ZNF416: variants seen among roughly 807,000 people sequenced by gnomAD.
ZNF416 encodes the protein zinc finger protein 416.
Under a neutral mutation model 10.9 loss-of-function variants are expected in ZNF416, and 5 were observed. The observed-to-expected ratio is 0.46, with a 90% confidence interval of 0.24 to 0.97. ZNF416 has a LOEUF of 0.97. Among genes scored for constraint, ZNF416 ranks in the 50% least tolerant of loss-of-function variants. The pLI is 0.19. For missense variants in ZNF416, 675 were observed against 715.0 expected (o/e 0.94, Z 0.64); for synonymous variants, 267 against 251.8 (o/e 1.06, Z -0.57).
rs543988760 is a variant in ZNF416, at chr19:57,578,852, G to A, written c.-148C>T. The A allele has an allele frequency of 1.6e-5, 12 of 757,128 alleles. No homozygotes were observed. The African/African-American group carries it at 1.8e-4, about 12-fold the overall frequency. 46.9% of individuals were successfully genotyped at this position (757,128 alleles called of 1,614,324 possible). On this transcript the variant is annotated 5_prime_UTR_variant, in exon 1 of 4. Transcript: ENST00000196489. ...CGGAGGCAGCGTTTCTAACTCAGGC[G>A]GCGTGGGCCGAGGTAGAGAACCACC...
At position 57,573,088 on chromosome 19, in the gene ZNF416, G is replaced by A. The variant is rs1331841285; in HGVS notation, c.816C>T (p.Cys272=). 1 of 1,613,948 alleles carries A rather than the reference G, an allele frequency of 6.2e-7. No homozygotes were observed. Among genetic ancestry groups the A allele is most frequent in the Non-Finnish European group, 8.5e-7 (1 of 1,179,970 alleles). ...RVHPGERPYE[C]SECGKSFSQT... The stretch of plus-strand genomic sequence containing the variant: ...GGCTAAAAGATTTCCCACATTCACT[G>A]CACTCATAAGGCCTTTCTCCAGGGT... The change falls in exon 4 of 4, where the codon TGC becomes TGT. Residue 272 remains cysteine, a synonymous_variant. Transcript: ENST00000196489.
In ZNF416 at chr19:57,575,502, G is replaced by A. The variant is rs1016240891; in HGVS notation, c.202+302C>T. ...TAGTCAAAGGAAATGTCATCTAGGA[G>A]GCAGAATTTGAGACACAAAGTACCA... On this transcript the variant is annotated intron_variant, in intron 3 of 3. Coordinates refer to ENST00000196489, the MANE Select transcript of ZNF416 (RefSeq NM_017879.3). The surrounding 1 kb of genome is among the most constrained non-coding windows in gnomAD (Gnocchi z 4.4). Among the ~76,000 whole-genome samples, 29 of 152,152 alleles carry A rather than the reference G, an allele frequency of 1.9e-4. No homozygotes were observed. Among genetic ancestry groups the A allele is most frequent in the Middle Eastern group, 3.2e-3 (1 of 316 alleles).
Position 57,571,759 on chromosome 19 carries a change from G to A in ZNF416, c.*360C>T, listed in dbSNP as rs573831569. On this transcript the variant is annotated 3_prime_UTR_variant, in exon 4 of 4. Coordinates refer to ENST00000196489, the MANE Select transcript of ZNF416 (RefSeq NM_017879.3). ...CCCTTCTGGCCAAAACTGGTCAGATGTATGCTGTAATCAGTCAGAAAAGGG... is the reference window on the plus strand; with the variant it reads ...CCCTTCTGGCCAAAACTGGTCAGATATATGCTGTAATCAGTCAGAAAAGGG... The A allele has an allele frequency of 3.0e-4, 59 of 197,386 alleles. No homozygotes were observed. The South Asian group carries it at 7.0e-3, about 23-fold the overall frequency. 12.2% of individuals were successfully genotyped at this position (197,386 alleles called of 1,614,324 possible).
chr19:57,578,015 T>C (rs1599910811), intron 2 of ZNF416, 42 bp downstream of exon 2: 1 of 1,610,248 alleles, frequency 6.2e-7, no homozygotes, highest in South Asian at 1.1e-5. Context: ...AGACAAACAC[T>C]GGGGTCAGCA....
chr19:57,572,109 G>C lies in ZNF416; in HGVS notation c.*10C>G. On this transcript the variant is annotated 3_prime_UTR_variant, in exon 4 of 4. Transcript: ENST00000196489. This position sits in a 1 kb window ranked among gnomAD's most constrained non-coding sequence, Gnocchi z 4.5. ...GTCTAAGGCTTTTCTCAGGTTTGGA[G>C]TTTCAAGAGTTAAACAATGTTAGAT... 6.2e-7 allele frequency: 1 copy of C among 1,603,354 alleles called. No individual in the cohort carries two copies.
At chr19:57,577,086 C>T (rs1978562421) in intron 2 of ZNF416, among the ~76,000 whole-genome samples, 3 of 152,100 alleles carry the variant, frequency 2.0e-5, no homozygotes, top group Admixed American at 1.3e-4. Flanking sequence ...CACGATTCCA[C>T]CTCCTAATTG....
chr19:57,572,796 C>T lies in ZNF416; in HGVS notation c.1108G>A (p.Val370Ile), dbSNP rs376594511. 2 of 1,614,098 alleles carry T rather than the reference C, an allele frequency of 1.2e-6. No individual in the cohort carries two copies. The highest frequency in any genetic ancestry group is 1.6e-4 in the Middle Eastern group (1 of 6,062). Residue 370 changes from valine to isoleucine, a missense_variant, in exon 4 of 4, where the codon GTT becomes ATT. Val to Ile is a conservative substitution (Grantham distance 29, BLOSUM62 3). Transcript: ENST00000196489. This position sits in a 1 kb window ranked among gnomAD's most constrained non-coding sequence, Gnocchi z 4.5. ...GKAFGSKSTL[V>I]RHQRTHTGEK... Reference sequence around the variant, plus strand: ...CCTGTGTGAGTTCTCTGGTGTCGAACAAGAGTGGATTTGGACCCAAAGGCT... The same window carrying T: ...CCTGTGTGAGTTCTCTGGTGTCGAATAAGAGTGGATTTGGACCCAAAGGCT...
Position 57,572,477 on chromosome 19 carries a change from A to G in ZNF416, c.1427T>C (p.Met476Thr), listed in dbSNP as rs2090199221. Reference sequence around the variant, plus strand: ...GTGCCTAACAAGTTTAGATTTGAACATAAAAGCTTTCCCACATTCCCCACA... The same window carrying G: ...GTGCCTAACAAGTTTAGATTTGAACGTAAAAGCTTTCCCACATTCCCCACA... ...YVCGECGKAFMFKSKLVRHQR... is the reference protein window; with the variant it reads ...YVCGECGKAFTFKSKLVRHQR... The change falls in exon 4 of 4, where the codon ATG (methionine) becomes ACG (threonine). Residue 476 changes from methionine (M) to threonine (T), a missense_variant. Physicochemically the swap from Met to Thr is moderately conservative, Grantham distance 81. Coordinates refer to ENST00000196489, the MANE Select transcript of ZNF416 (RefSeq NM_017879.3). The surrounding 1 kb of genome is among the most constrained non-coding windows in gnomAD (Gnocchi z 4.5). 1 of 1,613,422 alleles carries G rather than the reference A, an allele frequency of 6.2e-7. No homozygotes were observed. Among genetic ancestry groups the G allele is most frequent in the East Asian group, 2.2e-5 (1 of 44,784 alleles).
intron 2 of ZNF416, among the ~76,000 whole-genome samples, chr19:57,576,877 A>G (rs117681703): frequency 0.02 from 3,005 of 152,154 alleles, 53 homozygotes; most frequent in Non-Finnish European, 0.031. Context: ...ACTTCCAAGC[A>G]TTGATCTCAT....
Position 57,572,662 on chromosome 19 carries a change from C to T in ZNF416, c.1242G>A (p.Gln414=). The T allele has an allele frequency of 1.2e-6, 2 of 1,614,126 alleles. No individual in the cohort carries two copies. Among genetic ancestry groups the T allele is most frequent in the Non-Finnish European group, 8.5e-7 (1 of 1,180,014 alleles). The change falls in exon 4 of 4, where the codon CAG becomes CAA. Residue 414 remains glutamine, a synonymous_variant. Transcript: ENST00000196489. The surrounding 1 kb of genome is among the most constrained non-coding windows in gnomAD (Gnocchi z 4.5). The stretch of plus-strand genomic sequence containing the variant: ...ACTTTAGGCTAAATGATTTCCCACA[C>T]TGGCCACACTCATAAGGCCTTGCTG... ...HTTARPYECG[Q]CGKSFSLKCG...
At chr19:57,576,814 C>T (rs184592896) in intron 2 of ZNF416, among the ~76,000 whole-genome samples, 5 of 152,212 alleles carry the variant, frequency 3.3e-5, no homozygotes, top group Non-Finnish European at 5.9e-5. Context: ...GTAGATATAT[C>T]CAGAGTGCTG....
chr19:57,575,946 T>A lies in ZNF416; in HGVS notation c.76-16A>T. 1.2e-6 allele frequency: 2 copies of A among 1,612,030 alleles called. No homozygotes were observed. Among genetic ancestry groups the A allele is most frequent in the Non-Finnish European group, 1.7e-6 (2 of 1,178,868 alleles). On this transcript the variant is annotated splice_polypyrimidine_tract_variant and intron_variant, in intron 2 of 3. Coordinates refer to ENST00000196489, the MANE Select transcript of ZNF416 (RefSeq NM_017879.3). The surrounding 1 kb of genome is among the most constrained non-coding windows in gnomAD (Gnocchi z 4.4). ...TCACACAGCCCTGCCATGATGGGGA[T>A]AGATCTTTCCATGATCAGATTCTCT...
At position 57,573,465 on chromosome 19, in the gene ZNF416, T is replaced by C; in HGVS notation, c.439A>G (p.Lys147Glu). The change falls in exon 4 of 4, where the codon AAA (lysine) becomes GAA (glutamate). Residue 147 changes from lysine to glutamate, a missense_variant. Transcript: ENST00000196489. Reference sequence around the variant, plus strand: ...TTGTCCATGTCACTTTCCAAGGGTTTCTCTGCACTATGATGCTTCTGGTCC... The same window carrying C: ...TTGTCCATGTCACTTTCCAAGGGTTCCTCTGCACTATGATGCTTCTGGTCC... ...HQDQKHHSAEKPLESDMDKAS... is the reference protein window; with the variant it reads ...HQDQKHHSAEEPLESDMDKAS... The C allele has an allele frequency of 6.2e-7, 1 of 1,614,228 alleles. No individual in the cohort carries two copies. The highest frequency in any genetic ancestry group is 8.5e-7 in the Non-Finnish European group (1 of 1,180,034).
chr19:57,577,309 A>T (rs1225926575), intron 2 of ZNF416, among the ~76,000 whole-genome samples: 1 of 152,202 alleles, frequency 6.6e-6, no homozygotes, highest in East Asian at 1.9e-4. Context: ...AAGATGGTCC[A>T]TATCAAAATT....
At position 57,572,083 on chromosome 19, in the gene ZNF416, G is replaced by A; in HGVS notation, c.*36C>T. 2 of 1,589,798 alleles carry A rather than the reference G, an allele frequency of 1.3e-6. No individual in the cohort carries two copies. The highest frequency in any genetic ancestry group is 1.7e-6 in the Non-Finnish European group (2 of 1,165,346). ...AGAAAGACATGGCACATTCCCTGCA[G>A]GTCTAAGGCTTTTCTCAGGTTTGGA... On this transcript the variant is annotated 3_prime_UTR_variant, in exon 4 of 4. Coordinates refer to ENST00000196489, the MANE Select transcript of ZNF416 (RefSeq NM_017879.3). This position sits in a 1 kb window ranked among gnomAD's most constrained non-coding sequence, Gnocchi z 4.5.
chr19:57,578,544 C>T (rs1489965329), intron 1 of ZNF416, 128 bp downstream of exon 1: 1 of 1,083,930 alleles, frequency 9.2e-7, no homozygotes, highest in East Asian at 3.0e-5. Flanking sequence ...ATGGGAGCCC[C>T]ACCCGCGAGG....
Position 57,573,568 on chromosome 19 carries a change from G to A in ZNF416, c.336C>T (p.Phe112=), listed in dbSNP as rs751636394. 1.4e-5 allele frequency: 22 copies of A among 1,614,074 alleles called. No individual in the cohort carries two copies. Among genetic ancestry groups the A allele is most frequent in the Non-Finnish European group, 1.7e-5 (20 of 1,180,032 alleles). ...CGGTCAGGTGCAAAATGTCGGTCAGGAATGGGACACACATGTCACAGGATT... is the reference window on the plus strand; with the variant it reads ...CGGTCAGGTGCAAAATGTCGGTCAGAAATGGGACACACATGTCACAGGATT... ...KIQSCDMCVP[F]LTDILHLTDL... The change falls in exon 4 of 4, where the codon TTC becomes TTT. Residue 112 remains phenylalanine (F), a synonymous_variant. Transcript: ENST00000196489.
chr19:57,575,791 G>T lies in ZNF416; in HGVS notation c.202+13C>A. 1 of 1,614,004 alleles carries T rather than the reference G, an allele frequency of 6.2e-7. No individual in the cohort carries two copies. The highest frequency in any genetic ancestry group is 1.7e-5 in the Admixed American group (1 of 60,022). On this transcript the variant is annotated intron_variant, in intron 3 of 3. Transcript: ENST00000196489. This position sits in a 1 kb window ranked among gnomAD's most constrained non-coding sequence, Gnocchi z 4.4. ...CGAAGACCAGGACACGAGAGTGGGT[G>T]TGAGGGCCTTACCCAGCGCAGTTAT...
chr19:57,578,216 T>C, intron 1 of ZNF416, 118 bp from the exon 2 acceptor site: 1 of 975,246 alleles, frequency 1.0e-6, no homozygotes, highest in South Asian at 1.4e-5. Context: ...GACTAAATTA[T>C]TATTGCTCCT....
Sources: allele counts gnomAD v4.1 joint callset (sites outside exome capture counted in the v4.1 genomes callset), GRCh38; gene constraint gnomAD v4.1.1; non-coding constraint Gnocchi (gnomAD v3.1); transcripts MANE v1.5; gene names NCBI Gene and HGNC (gene_info 2026-07-23, HGNC 2026-07-21).